The following MAPK8 variants were observed in gnomAD, a reference collection of about 807,000 sequenced individuals.
The protein encoded by MAPK8 is mitogen-activated protein kinase 8, also known as JUN N-terminal kinase.
Under a neutral mutation model 52.9 loss-of-function variants are expected in MAPK8, and 13 were observed. The observed-to-expected ratio is 0.25, with a 90% confidence interval of 0.16 to 0.39. The LOEUF is 0.39. Ranked by LOEUF, MAPK8 falls within the 10% of genes least tolerant of loss-of-function variation. The pLI, the probability that MAPK8 is intolerant of heterozygous loss-of-function variation, is 1.00. For missense variants in MAPK8, 300 were observed against 519.2 expected, an observed-to-expected ratio of 0.58 and a Z score of 4.10; for synonymous variants, 191 against 169.8, an observed-to-expected ratio of 1.12 and a Z score of -0.97.
At chr10:48,312,470 C>T (rs1036959674) in intron 1 of MAPK8, among the ~76,000 whole-genome samples, 1 of 152,202 alleles carries the variant, frequency 6.6e-6, no homozygotes, top group African/African-American at 2.4e-5. Flanking sequence ...AGACTCAAGC[C>T]TGCCACCCAC....
At chr10:48,373,859 G>T (rs919903970) in intron 1 of MAPK8, among the ~76,000 whole-genome samples, 1 of 151,994 alleles carries the variant, frequency 6.6e-6, no homozygotes, top group Non-Finnish European at 1.5e-5. Context: ...AATTAACAAC[G>T]ATATCCAGGA....
chr10:48,342,593 G>A (rs1158445837), intron 1 of MAPK8, among the ~76,000 whole-genome samples: 1 of 152,196 alleles, frequency 6.6e-6, no homozygotes, highest in East Asian at 1.9e-4. Context: ...TATCCAGGAA[G>A]ACATGATGGT....
At chr10:48,394,709 A>G (rs1167567755) in intron 1 of MAPK8, among the ~76,000 whole-genome samples, 5 of 151,926 alleles carry the variant, frequency 3.3e-5, no homozygotes, top group Non-Finnish European at 7.4e-5. Flanking sequence ...TCGGCATTGT[A>G]TGGAAATTAT....
At chr10:48,347,236 A>G (rs1845877547) in intron 1 of MAPK8, among the ~76,000 whole-genome samples, 1 of 152,180 alleles carries the variant, frequency 6.6e-6, no homozygotes, top group Non-Finnish European at 1.5e-5. Context: ...ACTATAATGG[A>G]ATATTAAAAG....
intron 1 of MAPK8, among the ~76,000 whole-genome samples, chr10:48,372,554 C>T (rs2040390031): frequency 6.6e-6 from 1 of 151,898 alleles, no homozygotes; most frequent in Non-Finnish European, 1.5e-5. Flanking sequence ...CTGAAAAACA[C>T]AGCACGAGAA....
intron 1 of MAPK8, among the ~76,000 whole-genome samples, chr10:48,315,688 ATTAG>A (rs1340883840): frequency 1.4e-5 from 2 of 145,600 alleles, no homozygotes; most frequent in African/African-American, 5.1e-5. Context: ...TATTTTGTAT[ATTAG>A]TTAATATTTC....
At chr10:48,398,338 C>T (rs1056109158) in intron 1 of MAPK8, among the ~76,000 whole-genome samples, 6 of 151,852 alleles carry the variant, frequency 4.0e-5, no homozygotes, top group South Asian at 2.1e-4. Context: ...ATTACATAAA[C>T]GGCATATAAG....
At chr10:48,389,382 A>G (rs2132829756) in intron 1 of MAPK8, among the ~76,000 whole-genome samples, 1 of 152,268 alleles carries the variant, frequency 6.6e-6, no homozygotes, top group Non-Finnish European at 1.5e-5. Context: ...CTCACCTTAA[A>G]GGTTATTATC....
chr10:48,421,401 T>C (rs554193989), intron 6 of MAPK8, among the ~76,000 whole-genome samples: 7 of 152,246 alleles, frequency 4.6e-5, no homozygotes, highest in African/African-American at 7.2e-5. Flanking sequence ...AGATTGCTTT[T>C]GCATTTGCTG....
intron 1 of MAPK8, among the ~76,000 whole-genome samples, chr10:48,382,163 C>T (rs1340421392): frequency 1.3e-5 from 2 of 152,126 alleles, no homozygotes; most frequent in East Asian, 3.8e-4. Context: ...AAACATATCA[C>T]AGAAGCAATA....
In MAPK8 at chr10:48,436,815, T is replaced by G. The variant is rs2044883625; in HGVS notation, c.*1786T>G. ...GCCTTTTTATCAGTCCCTTTTCTAATACAACAAGGTGCATTAATTTGATTA... is the reference window on the plus strand; with the variant it reads ...GCCTTTTTATCAGTCCCTTTTCTAAGACAACAAGGTGCATTAATTTGATTA... On this transcript the variant is annotated 3_prime_UTR_variant, in exon 12 of 12. Coordinates refer to ENST00000374189, the MANE Select transcript of MAPK8 (RefSeq NM_001323329.2). 1 of 152,220 alleles carries G rather than the reference T, an allele frequency of 6.6e-6. No homozygotes were observed. The highest frequency in any genetic ancestry group is 2.1e-4 in the South Asian group (1 of 4,834). 9.4% of individuals were successfully genotyped at this position (152,220 alleles called of 1,614,324 possible).
chr10:48,321,648 A>G (rs1051370808), intron 1 of MAPK8, among the ~76,000 whole-genome samples: 1 of 152,180 alleles, frequency 6.6e-6, no homozygotes. Flanking sequence ...TAGCTCTTAC[A>G]TTTAGGTCTG....
rs151119388 is a variant in MAPK8 at position 48,406,468 on chromosome 10, G to A, written c.252+1487G>A. The stretch of plus-strand genomic sequence containing the variant: ...TGGTTCCTTCAACTGCATGGAGTAT[G>A]ACTAAGCATGTCTCACATGATTAGG... On this transcript the variant is annotated intron_variant, in intron 3 of 11. Transcript: ENST00000374189. Among the ~76,000 whole-genome samples, 369 of 152,312 alleles carry A rather than the reference G, an allele frequency of 2.4e-3. 1 individual carries two copies. The highest frequency in any genetic ancestry group is 8.4e-3 in the African/African-American group (349 of 41,580).
intron 1 of MAPK8, among the ~76,000 whole-genome samples, chr10:48,361,372 T>C (rs551567019): frequency 6.6e-6 from 1 of 152,144 alleles, no homozygotes; most frequent in Non-Finnish European, 1.5e-5. Flanking sequence ...CTTATAATGA[T>C]TTCATTTTCC....
rs112248653 is a variant in MAPK8, at chr10:48,435,239, AT to A, written c.*218del. On this transcript the variant is annotated 3_prime_UTR_variant, in exon 12 of 12. Coordinates refer to ENST00000374189, the MANE Select transcript of MAPK8 (RefSeq NM_001323329.2). The stretch of plus-strand genomic sequence containing the variant: ...CAAAACAGCAACAAAACTGTATTGT[AT>A]TTTTTTTGCTGTAATTAACTGTATA... 5.5e-4 allele frequency: 239 copies of A among 438,164 alleles called. No individual in the cohort carries two copies. Among genetic ancestry groups the A allele is most frequent in the Middle Eastern group, 1.7e-3 (3 of 1,770 alleles). The allele number at this position is 438,164 out of a possible 1,614,324, so 27.1% of individuals were successfully genotyped here.
At chr10:48,369,625 G>A (rs562539614) in intron 1 of MAPK8, among the ~76,000 whole-genome samples, 6 of 152,184 alleles carry the variant, frequency 3.9e-5, no homozygotes, top group South Asian at 4.2e-4. Flanking sequence ...AATTGCCATG[G>A]GAGAGTGTAA....
intron 1 of MAPK8, among the ~76,000 whole-genome samples, chr10:48,345,497 T>TCA (rs199735620): frequency 5.9e-5 from 9 of 152,204 alleles, no homozygotes; most frequent in African/African-American, 1.9e-4. Context: ...CTAATTCTGT[T>TCA]CACACACACA....
intron 1 of MAPK8, among the ~76,000 whole-genome samples, chr10:48,359,037 T>A (rs61355240): frequency 5.8e-4 from 88 of 152,370 alleles, no homozygotes; most frequent in African/African-American, 2.1e-3. Context: ...TCAGAAAGTA[T>A]GAGTCCTCCG....
intron 1 of MAPK8, among the ~76,000 whole-genome samples, chr10:48,354,529 G>A (rs1407130311): frequency 1.3e-5 from 2 of 152,198 alleles, no homozygotes; most frequent in African/African-American, 4.8e-5. Context: ...ATCACATGGA[G>A]GACTTGTTAA....
Sources: allele counts gnomAD v4.1 joint callset (sites outside exome capture counted in the v4.1 genomes callset), GRCh38; gene constraint gnomAD v4.1.1; transcripts MANE v1.5; gene names NCBI Gene and HGNC (gene_info 2026-07-23, HGNC 2026-07-21).